MFSD6: variants seen among roughly 807,000 people sequenced by gnomAD.
MFSD6 encodes the protein major facilitator superfamily domain-containing protein 6.
A neutral mutation model predicts 56.3 loss-of-function variants in MFSD6; 26 were observed. The ratio of observed to expected loss-of-function variants is 0.46; its 90% CI spans 0.34 to 0.64. MFSD6 has a LOEUF of 0.64. Among genes scored for constraint, MFSD6 ranks in the 30% least tolerant of loss-of-function variants. The pLI, the probability that MFSD6 is intolerant of heterozygous loss-of-function variation, is 0.01. For missense variants in MFSD6, 750 were observed against 986.2 expected (o/e 0.76, Z 3.21); for synonymous variants, 331 against 366.9 (o/e 0.90, Z 1.12).
rs1346018473 is a variant in MFSD6 at position 190,499,860 on chromosome 2, A to C, written c.2173-155A>C. 6.5e-7 allele frequency: 1 copy of C among 1,549,922 alleles called. No individual in the cohort carries two copies. Among genetic ancestry groups the C allele is most frequent in the Non-Finnish European group, 8.7e-7 (1 of 1,146,424 alleles). On this transcript the variant is annotated intron_variant, in intron 7 of 7. Transcript: ENST00000392328. This position sits in a 1 kb window ranked among gnomAD's most constrained non-coding sequence, Gnocchi z 6.0. ...CACATAGGAAAGGAGATGAAAGGTA[A>C]GACATTCTATCCTTATTCCTCTATT...
rs909523996 is a variant in MFSD6, at chr2:190,431,258, G to A, written c.-53-4719G>A. On this transcript the variant is annotated intron_variant, in intron 2 of 7. Transcript: ENST00000392328. This position sits in a 1 kb window ranked among gnomAD's most constrained non-coding sequence, Gnocchi z 4.4. Reference sequence around the variant, plus strand: ...GCAGAGGGGCTCCTCACCTCCCAGAGGATGGGCGGCCAGGCAGAGACGCTC... The same window carrying A: ...GCAGAGGGGCTCCTCACCTCCCAGAAGATGGGCGGCCAGGCAGAGACGCTC... 6.6e-6 allele frequency among the ~76,000 whole-genome samples: 1 copy of A among 151,706 alleles called. No individual in the cohort carries two copies. The highest frequency in any genetic ancestry group is 1.5e-5 in the Non-Finnish European group (1 of 67,914).
chr2:190,448,425 G>T (rs780047627), intron 3 of MFSD6, among the ~76,000 whole-genome samples: 2 of 152,120 alleles, frequency 1.3e-5, no homozygotes, highest in Non-Finnish European at 2.9e-5. Context: ...GCCATCAATT[G>T]AGGAATGGAT....
Position 190,501,065 on chromosome 2 carries a change from T to TA in MFSD6, c.*848dup. Reference sequence around the variant, plus strand: ...TAGCCTCTCTCGCTATTTACTATCTTATAGTAATTCAGGCTCTAATTAGCT... The same window carrying TA: ...TAGCCTCTCTCGCTATTTACTATCTTAATAGTAATTCAGGCTCTAATTAGCT... On this transcript the variant is annotated 3_prime_UTR_variant, in exon 8 of 8. Coordinates refer to ENST00000392328, the MANE Select transcript of MFSD6 (RefSeq NM_017694.4). 1 of 152,358 alleles carries TA rather than the reference T, an allele frequency of 6.6e-6. No individual in the cohort carries two copies. Among genetic ancestry groups the TA allele is most frequent in the Non-Finnish European group, 1.5e-5 (1 of 68,036 alleles). The allele number at this position is 152,358 out of a possible 1,614,324, so 9.4% of individuals were successfully genotyped here. A position where few individuals can be genotyped will look rare whatever the true frequency, so the allele number is the denominator to read the frequency against.
At chr2:190,464,982 A>G in intron 3 of MFSD6, 2 of 816,904 alleles carry the variant, frequency 2.4e-6, no homozygotes, top group Non-Finnish European at 3.0e-6. Flanking sequence ...ACAACTAACT[A>G]CACTGTTAGG....
rs567013085 is a variant in MFSD6, at chr2:190,418,982, C to T, written c.-54+3569C>T. 1.3e-5 allele frequency among the ~76,000 whole-genome samples: 2 copies of T among 152,334 alleles called. No individual in the cohort carries two copies. The highest frequency in any genetic ancestry group is 1.3e-4 in the Admixed American group (2 of 15,310). ...ATCATTTGGCTTTGCCATAAAGGAA[C>T]CATGTCACAATACCCTGAAAGGAAG... On this transcript the variant is annotated intron_variant, in intron 2 of 7. Coordinates refer to ENST00000392328, the MANE Select transcript of MFSD6 (RefSeq NM_017694.4). The surrounding 1 kb of genome is among the most constrained non-coding windows in gnomAD (Gnocchi z 4.1).
At position 190,492,507 on chromosome 2, in the gene MFSD6, A is replaced by G. The variant is rs1416743270; in HGVS notation, c.1891+2641A>G. On this transcript the variant is annotated intron_variant, in intron 6 of 7. Transcript: ENST00000392328. The surrounding 1 kb of genome is among the most constrained non-coding windows in gnomAD (Gnocchi z 5.2). ...GGCCCTATGTTCAGCCTCATAATTA[A>G]TTTCCATAAATAAATGGAAATTAAA... 6.6e-6 allele frequency among the ~76,000 whole-genome samples: 1 copy of G among 152,222 alleles called. No homozygotes were observed. The highest frequency in any genetic ancestry group is 1.9e-4 in the East Asian group (1 of 5,198).
intron 3 of MFSD6, among the ~76,000 whole-genome samples, chr2:190,460,134 G>T (rs999624127): frequency 6.6e-6 from 1 of 152,198 alleles, no homozygotes; most frequent in Non-Finnish European, 1.5e-5. Context: ...TCTGCTCAGA[G>T]CATGTGCTGA....
intron 4 of MFSD6, among the ~76,000 whole-genome samples, chr2:190,470,831 G>A (rs906560977): frequency 6.6e-6 from 1 of 151,724 alleles, no homozygotes; most frequent in African/African-American, 2.4e-5. Flanking sequence ...ATTCATCATA[G>A]CAATGAAAAA....
At position 190,412,358 on chromosome 2, in the gene MFSD6, A is replaced by G. The variant is rs1575810971; in HGVS notation, c.-175-2934A>G. ...CTCACAATTTTAGGTATTATCCAAC[A>G]TTTCATTTTGGGTTCTAATTATGTT... On this transcript the variant is annotated intron_variant, in intron 1 of 7. Coordinates refer to ENST00000392328, the MANE Select transcript of MFSD6 (RefSeq NM_017694.4). The surrounding 1 kb of genome is among the most constrained non-coding windows in gnomAD (Gnocchi z 4.1). 1 of 984,422 alleles carries G rather than the reference A, an allele frequency of 1.0e-6. No homozygotes were observed. Among genetic ancestry groups the G allele is most frequent in the Admixed American group, 6.1e-5 (1 of 16,262 alleles). The allele number at this position is 984,422 out of a possible 1,614,324, so 61.0% of individuals were successfully genotyped here.
In MFSD6 at chr2:190,478,532, G is replaced by T. The variant is rs545066883; in HGVS notation, c.1630+8677G>T. The stretch of plus-strand genomic sequence containing the variant: ...AGTTTGGATTCGTCTGCCTTTACAA[G>T]GCTCGTCCAAATGGCTTTAAAGTCC... On this transcript the variant is annotated intron_variant, in intron 4 of 7. Transcript: ENST00000392328. Among the ~76,000 whole-genome samples the T allele has an allele frequency of 5.3e-5, 8 of 152,274 alleles. No individual in the cohort carries two copies. The South Asian group carries it at 1.7e-3, about 32-fold the overall frequency.
At chr2:190,427,905 T>C (rs760547213) in intron 2 of MFSD6, among the ~76,000 whole-genome samples, 1 of 152,186 alleles carries the variant, frequency 6.6e-6, no homozygotes, top group Non-Finnish European at 1.5e-5. Flanking sequence ...CTAATTTTTG[T>C]ATTTTTAGTA....
Position 190,434,182 on chromosome 2 carries a change from C to CAAAA in MFSD6, c.-53-1785_-53-1782dup, listed in dbSNP as rs67545783. The stretch of plus-strand genomic sequence containing the variant: ...GGTGACAGAGTAAGACCCTGTCTCT[C>CAAAA]AAAAAAAAAAAAAGAAAAAAAAGAA... On this transcript the variant is annotated intron_variant, in intron 2 of 7. Transcript: ENST00000392328. This position sits in a 1 kb window ranked among gnomAD's most constrained non-coding sequence, Gnocchi z 4.3. Among the ~76,000 whole-genome samples the CAAAA allele has an allele frequency of 5.0e-3, 646 of 129,772 alleles. 5 individuals are homozygous for CAAAA. Among genetic ancestry groups the CAAAA allele is most frequent in the African/African-American group, 0.018 (608 of 33,698 alleles). 85.1% of individuals were successfully genotyped at this position (129,772 alleles called of 152,430 possible).
chr2:190,408,794 G>A (rs1690427284), intron 1 of MFSD6, among the ~76,000 whole-genome samples: 1 of 152,106 alleles, frequency 6.6e-6, no homozygotes, highest in Non-Finnish European at 1.5e-5. Flanking sequence ...CCCCGTGCTG[G>A]CAGCACTTCC....
In MFSD6 at chr2:190,412,146, T is replaced by G; in HGVS notation, c.-175-3146T>G. On this transcript the variant is annotated intron_variant, in intron 1 of 7. Coordinates refer to ENST00000392328, the MANE Select transcript of MFSD6 (RefSeq NM_017694.4). The surrounding 1 kb of genome is among the most constrained non-coding windows in gnomAD (Gnocchi z 4.1). ...AGTTCTATCCAATTCTATGTAAAAT[T>G]AACTAAAACCACTGCTTAGAATCCT... 1 of 983,914 alleles carries G rather than the reference T, an allele frequency of 1.0e-6. No homozygotes were observed. Among genetic ancestry groups the G allele is most frequent in the Non-Finnish European group, 1.2e-6 (1 of 828,540 alleles). 60.9% of individuals were successfully genotyped at this position (983,914 alleles called of 1,614,324 possible).
intron 3 of MFSD6, among the ~76,000 whole-genome samples, chr2:190,445,186 T>C (rs370562650): frequency 6.6e-6 from 1 of 152,154 alleles, no homozygotes; most frequent in Non-Finnish European, 1.5e-5. Flanking sequence ...GGGATACTTA[T>C]CTCATATTAA....
At chr2:190,408,172 C>T (rs1690379126), upstream of MFSD6, among the ~76,000 whole-genome samples, 1 of 151,908 alleles carries the variant, frequency 6.6e-6, no homozygotes, top group Admixed American at 6.6e-5. Context: ...GCGCCCGGCC[C>T]TGAAACGGGT....
intron 2 of MFSD6, among the ~76,000 whole-genome samples, chr2:190,428,248 G>A (rs1257125146): frequency 2.0e-5 from 3 of 152,298 alleles, no homozygotes; most frequent in South Asian, 2.1e-4. Flanking sequence ...TGTATCTGCT[G>A]TAGACAGGTT....
chr2:190,412,211 A>G lies in MFSD6; in HGVS notation c.-175-3081A>G, dbSNP rs1435403756. ...TTTCCAGACTTAGAAATCCAGAGCC[A>G]TAATACATTCAGACTTTTCAGAATC... On this transcript the variant is annotated intron_variant, in intron 1 of 7. Transcript: ENST00000392328. The surrounding 1 kb of genome is among the most constrained non-coding windows in gnomAD (Gnocchi z 4.1). The G allele has an allele frequency of 4.1e-6, 4 of 985,118 alleles. No homozygotes were observed. Among genetic ancestry groups the G allele is most frequent in the Non-Finnish European group, 4.8e-6 (4 of 829,730 alleles). The allele number at this position is 985,118 out of a possible 1,614,324, so 61.0% of individuals were successfully genotyped here.
Position 190,497,356 on chromosome 2 carries a change from C to G in MFSD6, c.1892-83C>G. The G allele has an allele frequency of 6.8e-7, 1 of 1,480,534 alleles. No individual in the cohort carries two copies. Among genetic ancestry groups the G allele is most frequent in the African/African-American group, 1.4e-5 (1 of 71,414 alleles). The allele number at this position is 1,480,534 out of a possible 1,614,324, so 91.7% of individuals were successfully genotyped here. A position where few individuals can be genotyped will look rare whatever the true frequency, so the allele number is the denominator to read the frequency against. On this transcript the variant is annotated intron_variant, in intron 6 of 7. Transcript: ENST00000392328. The surrounding 1 kb of genome is among the most constrained non-coding windows in gnomAD (Gnocchi z 5.2). The stretch of plus-strand genomic sequence containing the variant: ...CACTCTGGAATGGGTATATGGGATT[C>G]TTGGTTTATTTATTTATTTTTACCT...
Sources: allele counts gnomAD v4.1 joint callset (sites outside exome capture counted in the v4.1 genomes callset), GRCh38; gene constraint gnomAD v4.1.1; non-coding constraint Gnocchi (gnomAD v3.1); transcripts MANE v1.5; gene names NCBI Gene and HGNC (gene_info 2026-07-23, HGNC 2026-07-21).